The following HK2 variants were observed in gnomAD, a reference collection of about 807,000 sequenced individuals.
HK2 encodes hexokinase-2.
Under a neutral mutation model 92.9 loss-of-function variants are expected in HK2, and 42 were observed. The ratio of observed to expected loss-of-function variants is 0.45; its 90% confidence interval spans 0.35 to 0.58. The LOEUF is 0.58. Ranked by LOEUF, HK2 falls within the 20% of genes least tolerant of loss-of-function variation. The pLI, the probability that HK2 is intolerant of heterozygous loss-of-function variation, is 0.00. For missense variants in HK2, 978 were observed against 1,245.1 expected, an observed-to-expected ratio of 0.79 and a Z score of 3.23; for synonymous variants, 422 against 468.0, an observed-to-expected ratio of 0.90 and a Z score of 1.27.
At position 74,889,312 on chromosome 2, in the gene HK2, G is replaced by A. The variant is rs1326442393; in HGVS notation, c.2443G>A (p.Asp815Asn). Residue 815 changes from aspartate (D) to asparagine (N), a missense_variant, in exon 17 of 18, where the codon GAC becomes AAC. By Grantham distance (23) the Asp-to-Asn change is conservative (BLOSUM62 1). Coordinates refer to ENST00000290573, the MANE Select transcript of HK2 (RefSeq NM_000189.5). ...CTTAGGGCTTGAGAGCACCTGTGAC[G>A]ACAGCATCATTGTTAAGGAGGTGTG... is the stretch of plus-strand genomic sequence containing the variant. Reference protein sequence around the residue: ...QHLGLESTCDDSIIVKEVCTV... With the variant: ...QHLGLESTCDNSIIVKEVCTV... 9 of 1,614,062 alleles carry A rather than the reference G, an allele frequency of 5.6e-6. 1 individual carries two copies. Among genetic ancestry groups the A allele is most frequent in the African/African-American group, 1.3e-5 (1 of 74,912 alleles).
intron 1 of HK2, chr2:74,835,390 G>A (rs1688135644): frequency 6.6e-6 from 1 of 152,492 alleles, no homozygotes; most frequent in Non-Finnish European, 1.5e-5. Flanking sequence ...AAAGTTACTC[G>A]GAGAGGCCAA....
In HK2 at chr2:74,872,381, A is replaced by G. The variant is rs1432062576; in HGVS notation, c.457A>G (p.Thr153Ala). 4 of 1,614,076 alleles carry G rather than the reference A, an allele frequency of 2.5e-6. No individual in the cohort carries two copies. The highest frequency in any genetic ancestry group is 1.1e-5 in the South Asian group (1 of 91,080). The change falls in exon 4 of 18, where the codon ACC becomes GCC. Residue 153 changes from threonine to alanine, a missense_variant. Thr to Ala is a moderately conservative substitution (Grantham distance 58, BLOSUM62 0). Transcript: ENST00000290573. Reference sequence around the variant, plus strand: ...AGACAAGAAGCTCCCACTGGGTTTTACCTTCTCGTTCCCCTGCCACCAGAC... The same window carrying G: ...AGACAAGAAGCTCCCACTGGGTTTTGCCTTCTCGTTCCCCTGCCACCAGAC... ...IKDKKLPLGF[T>A]FSFPCHQTKL...
chr2:74,878,521 C>T (rs636903), intron 8 of HK2, among the ~76,000 whole-genome samples, 167 bp from the exon 9 acceptor site: 1 of 151,932 alleles, frequency 6.6e-6, no homozygotes, highest in Non-Finnish European at 1.5e-5. Flanking sequence ...GCACCCCCTT[C>T]CTCCTCCTCC....
In HK2 at chr2:74,870,559, T is replaced by C. The variant is rs976359572; in HGVS notation, c.376-1741T>C. Among the ~76,000 whole-genome samples the C allele has an allele frequency of 6.3e-3, 935 of 148,342 alleles. 10 individuals are homozygous for C. The highest frequency in any genetic ancestry group is 0.022 in the African/African-American group (865 of 38,760). ...TGCACAACTTCTGCATCTCCCTTTT[T>C]TTTTTTTTTTTTTTTTGGGATAAAA... On this transcript the variant is annotated intron_variant, in intron 3 of 17. Coordinates refer to ENST00000290573, the MANE Select transcript of HK2 (RefSeq NM_000189.5).
intron 4 of HK2, among the ~76,000 whole-genome samples, chr2:74,872,814 A>C (rs1181473687): frequency 6.6e-6 from 1 of 152,202 alleles, no homozygotes; most frequent in Non-Finnish European, 1.5e-5. Context: ...ATGCTTTATT[A>C]GGTGATTTCA....
chr2:74,856,930 A>G (rs957217635), intron 2 of HK2, among the ~76,000 whole-genome samples: 6 of 152,194 alleles, frequency 3.9e-5, no homozygotes, highest in African/African-American at 1.4e-4. Context: ...GATTGTTTGG[A>G]CTGTATTATA....
chr2:74,867,562 T>C (rs1688983734), intron 2 of HK2, 74 bp from the exon 3 acceptor site: 1 of 1,555,242 alleles, frequency 6.4e-7, no homozygotes, highest in South Asian at 1.1e-5. Flanking sequence ...TGGAGGGACT[T>C]GGAGTTTTAA....
chr2:74,851,393 G>A (rs1688563810), intron 1 of HK2, among the ~76,000 whole-genome samples: 1 of 152,202 alleles, frequency 6.6e-6, no homozygotes, highest in Admixed American at 6.5e-5. Flanking sequence ...TTATCTATGG[G>A]GCAAAAGGCA....
chr2:74,846,313 C>T (rs1432315093), intron 1 of HK2, among the ~76,000 whole-genome samples: 1 of 81,874 alleles, frequency 1.2e-5, no homozygotes, highest in African/African-American at 5.3e-5. Flanking sequence ...GTCAGTGCAA[C>T]CTGCCTTTTT....
chr2:74,883,569 C>CA (rs1399531342), intron 12 of HK2, among the ~76,000 whole-genome samples: 3 of 152,222 alleles, frequency 2.0e-5, no homozygotes, highest in Admixed American at 2.0e-4. Flanking sequence ...CAGTGGCCCT[C>CA]ACCTTGGCTT....
At chr2:74,876,993 C>G (rs1689248416) in intron 7 of HK2, among the ~76,000 whole-genome samples, 173 bp from the exon 8 acceptor site, 2 of 152,208 alleles carry the variant, frequency 1.3e-5, no homozygotes, top group Admixed American at 6.5e-5. Context: ...GCAGGGACAA[C>G]CCAAGCCAGC....
intron 1 of HK2, among the ~76,000 whole-genome samples, chr2:74,842,418 T>G (rs1688335240): frequency 1.3e-5 from 2 of 152,224 alleles, no homozygotes; most frequent in Non-Finnish European, 2.9e-5. Flanking sequence ...GTGTACGAAA[T>G]GCATTTTTGA....
Position 74,840,901 on chromosome 2 carries a change from A to AT in HK2, c.63+6258_63+6259insT, listed in dbSNP as rs1343689404. Among the ~76,000 whole-genome samples, 82 of 147,446 alleles carry AT rather than the reference A, an allele frequency of 5.6e-4. 1 individual carries two copies. The highest frequency in any genetic ancestry group is 2.0e-3 in the African/African-American group (78 of 39,374). The stretch of plus-strand genomic sequence containing the variant: ...CTCAAAAAAAAAAAAAAAAAAAAAA[A>AT]AAAGCTGTGGGGGTTGGGATGTGGC... On this transcript the variant is annotated intron_variant, in intron 1 of 17. Transcript: ENST00000290573.
At chr2:74,861,387 T>A (rs866096340) in intron 2 of HK2, among the ~76,000 whole-genome samples, 1 of 149,500 alleles carries the variant, frequency 6.7e-6, no homozygotes, top group Non-Finnish European at 1.5e-5. Context: ...GCTGCTGCAC[T>A]CCAGCCTGGG....
intron 9 of HK2, 63 bp downstream of exon 9, chr2:74,878,984 C>T: frequency 7.6e-7 from 1 of 1,314,322 alleles, no homozygotes; most frequent in Non-Finnish European, 1.1e-6. Context: ...TGAGTGACTC[C>T]TCATGCCAGC....
At chr2:74,840,611 T>A (rs1403666907) in intron 1 of HK2, among the ~76,000 whole-genome samples, 1 of 150,820 alleles carries the variant, frequency 6.6e-6, no homozygotes, top group Non-Finnish European at 1.5e-5. Flanking sequence ...CTCACGCCTG[T>A]AATCCCAGCA....
chr2:74,880,677 G>T, intron 10 of HK2, 108 bp downstream of exon 10: 5 of 1,158,088 alleles, frequency 4.3e-6, no homozygotes, highest in Non-Finnish European at 6.3e-6. Context: ...ACCAGAACAC[G>T]TTTCTTCAGC....
chr2:74,845,182 G>A (rs941508712), intron 1 of HK2, among the ~76,000 whole-genome samples: 20 of 152,220 alleles, frequency 1.3e-4, no homozygotes, highest in African/African-American at 4.3e-4. Context: ...ACTGCCTACT[G>A]TTCTGCCCTT....
chr2:74,856,314 G>A (rs1427526144), intron 2 of HK2, among the ~76,000 whole-genome samples: 1 of 152,144 alleles, frequency 6.6e-6, no homozygotes, highest in Non-Finnish European at 1.5e-5. Flanking sequence ...GTTTGCTGAA[G>A]CCTTGGGACC....
Sources: gnomAD v4.1 joint callset for allele counts (sites outside exome capture counted in the v4.1 genomes callset) on GRCh38, gnomAD v4.1.1 for gene constraint, MANE v1.5 for transcripts, NCBI Gene and HGNC (gene_info 2026-07-23, HGNC 2026-07-21) for gene names.